CSGALNACT1: variants seen among roughly 807,000 people sequenced by gnomAD.
CSGALNACT1 encodes the protein chondroitin sulfate N-acetylgalactosaminyltransferase 1, also known as beta4GalNAcT-1.
A neutral mutation model predicts 51.0 loss-of-function variants in CSGALNACT1; 52 were observed. The observed-to-expected ratio is 1.02, with a 90% CI of 0.82 to 1.29. The LOEUF is 1.29. CSGALNACT1 is among the 50% of genes most tolerant of loss of function. CSGALNACT1 has a pLI of 0.00. For missense variants in CSGALNACT1, 935 were observed against 679.2 expected (o/e 1.38, Z -4.19); for synonymous variants, 341 against 254.4 (o/e 1.34, Z -3.24).
At chr8:19,546,886 G>A (rs1021078604) in intron 3 of CSGALNACT1, among the ~76,000 whole-genome samples, 1 of 152,280 alleles carries the variant, frequency 6.6e-6, no homozygotes, top group Middle Eastern at 3.4e-3. Flanking sequence ...AAGGTTCAGG[G>A]TGCAGAATGA....
intron 6 of CSGALNACT1, among the ~76,000 whole-genome samples, chr8:19,439,203 T>A (rs866534676): frequency 9.2e-5 from 14 of 152,358 alleles, no homozygotes; most frequent in Middle Eastern, 3.4e-3. Flanking sequence ...TGCTTTTGAA[T>A]ACATTTATTC....
rs2088313412 is a variant in CSGALNACT1 at position 19,552,234 on chromosome 8, C to A, written c.-297+38926G>T. 3.9e-5 allele frequency among the ~76,000 whole-genome samples: 6 copies of A among 152,166 alleles called. No individual in the cohort carries two copies. The South Asian group carries it at 1.2e-3, about 32-fold the overall frequency. On this transcript the variant is annotated intron_variant, in intron 3 of 9. Transcript: ENST00000454498. ...ATTATTATAGACACAAGATGGTTGG[C>A]CTAATTTCTCTGTTTCCATTTCAAA... is the stretch of plus-strand genomic sequence containing the variant.
At chr8:19,582,082 T>C (rs535613914) in intron 3 of CSGALNACT1, among the ~76,000 whole-genome samples, 2 of 152,330 alleles carry the variant, frequency 1.3e-5, no homozygotes, top group South Asian at 2.1e-4. Context: ...ATATAATTTA[T>C]AGATAGACAG....
chr8:19,407,581 C>A (rs572312584), intron 9 of CSGALNACT1, among the ~76,000 whole-genome samples: 1 of 152,278 alleles, frequency 6.6e-6, no homozygotes, highest in South Asian at 2.1e-4. Flanking sequence ...GGACAGGAGG[C>A]CTCTATTCTC....
intron 4 of CSGALNACT1, among the ~76,000 whole-genome samples, chr8:19,503,094 T>C (rs1008846126): frequency 5.3e-5 from 8 of 152,248 alleles, no homozygotes; most frequent in South Asian, 2.1e-4. Flanking sequence ...GCCTCCACAA[T>C]CTTGTGGTAT....
At chr8:19,501,050 G>C (rs1262961060) in intron 4 of CSGALNACT1, among the ~76,000 whole-genome samples, 2 of 151,576 alleles carry the variant, frequency 1.3e-5, no homozygotes, top group Non-Finnish European at 2.9e-5. Flanking sequence ...AGGAGTTCGA[G>C]ACCAGCCTGG....
intron 3 of CSGALNACT1, among the ~76,000 whole-genome samples, chr8:19,506,543 G>C (rs755334288): frequency 6.6e-6 from 1 of 152,192 alleles, no homozygotes; most frequent in Non-Finnish European, 1.5e-5. Context: ...TGCTGTGTTT[G>C]TTTGTCCCCT....
At chr8:19,707,969 C>T (rs1845041) in intron 1 of CSGALNACT1, among the ~76,000 whole-genome samples, 108,581 of 151,950 alleles carry the variant, frequency 0.71, 39,142 homozygotes, top group East Asian at 0.85. Context: ...GATGGCGCCA[C>T]TGCACTCCAG....
At chr8:19,584,331 C>G (rs1007579571) in intron 3 of CSGALNACT1, among the ~76,000 whole-genome samples, 1 of 152,196 alleles carries the variant, frequency 6.6e-6, no homozygotes, top group Non-Finnish European at 1.5e-5. Context: ...GTTAATATTA[C>G]TCATACTGGG....
At chr8:19,570,439 T>C (rs13248361) in intron 3 of CSGALNACT1, among the ~76,000 whole-genome samples, 13 of 152,126 alleles carry the variant, frequency 8.5e-5, no homozygotes, top group Non-Finnish European at 1.6e-4. Context: ...GTCTCAATAG[T>C]ACACTCCTCA....
chr8:19,609,595 T>C (rs1196819024), intron 1 of CSGALNACT1, among the ~76,000 whole-genome samples: 1 of 150,974 alleles, frequency 6.6e-6, no homozygotes, highest in East Asian at 2.0e-4. Context: ...ATAGAATACA[T>C]ACTGTATGAT....
intron 1 of CSGALNACT1, among the ~76,000 whole-genome samples, chr8:19,614,890 G>A (rs1390553773): frequency 1.3e-5 from 2 of 152,190 alleles, no homozygotes; most frequent in Non-Finnish European, 2.9e-5. Flanking sequence ...ACAGTGAGGG[G>A]TAACCAGAAG....
At chr8:19,695,397 C>T (rs1283287776) in intron 1 of CSGALNACT1, among the ~76,000 whole-genome samples, 2 of 152,162 alleles carry the variant, frequency 1.3e-5, no homozygotes, top group African/African-American at 4.8e-5. Context: ...TATCTCTACT[C>T]TGCCACTAAT....
chr8:19,684,054 T>G (rs1486872207), upstream of CSGALNACT1, among the ~76,000 whole-genome samples: 1 of 152,050 alleles, frequency 6.6e-6, no homozygotes, highest in Non-Finnish European at 1.5e-5. Context: ...TAATCCCAGC[T>G]ACTTGGGAGG....
Position 19,731,416 on chromosome 8 carries a change from G to A in CSGALNACT1, c.-297+26434C>T, listed in dbSNP as rs1437925209. On this transcript the variant is annotated intron_variant, in intron 1 of 1. Transcript: ENST00000517494. ...CCAGCTTCTTGGGAGGCTAAGGCACGAGACTCCCTGGAACCCGGGAGGTGG... is the reference window on the plus strand; with the variant it reads ...CCAGCTTCTTGGGAGGCTAAGGCACAAGACTCCCTGGAACCCGGGAGGTGG... Among the ~76,000 whole-genome samples, 4 of 152,194 alleles carry A rather than the reference G, an allele frequency of 2.6e-5. No homozygotes were observed. In the East Asian group the frequency reaches 7.7e-4, roughly 29 times the overall value.
intron 1 of CSGALNACT1, among the ~76,000 whole-genome samples, chr8:19,667,023 GGAAGGAAGGAAGGAAGGA>G (rs1564386589): frequency 0.021 from 687 of 32,172 alleles, 98 homozygotes; most frequent in Middle Eastern, 0.068. Context: ...AAGAAAGGAA[GGAAGGAAGGAAGGAAGGA>G]AGAAAGAAAG....
intron 3 of CSGALNACT1, among the ~76,000 whole-genome samples, chr8:19,560,195 T>C (rs992911348): frequency 3.9e-5 from 6 of 152,104 alleles, no homozygotes; most frequent in African/African-American, 9.7e-5. Context: ...AGTATCCAAA[T>C]AAAAAAATTC....
intron 1 of CSGALNACT1, among the ~76,000 whole-genome samples, chr8:19,682,230 G>A (rs1184969459): frequency 6.6e-6 from 1 of 152,090 alleles, no homozygotes; most frequent in East Asian, 1.9e-4. Flanking sequence ...GCCTCTGTTT[G>A]TACTCCTGCC....
chr8:19,585,483 G>T (rs545988021), intron 3 of CSGALNACT1, among the ~76,000 whole-genome samples: 1 of 152,318 alleles, frequency 6.6e-6, no homozygotes, highest in Admixed American at 6.5e-5. Context: ...AATCTCCACA[G>T]CATAGGTAGA....
Sources: gnomAD v4.1 joint callset for allele counts (sites outside exome capture counted in the v4.1 genomes callset) on GRCh38, gnomAD v4.1.1 for gene constraint, MANE v1.5 for transcripts, NCBI Gene and HGNC (gene_info 2026-07-23, HGNC 2026-07-21) for gene names.